Variants in SNTG1 observed in about 807,000 individuals in gnomAD.
SNTG1 encodes syntrophin gamma 1.
SNTG1 carries 39 observed loss-of-function variants against 74.7 expected under a neutral mutation model. That is an observed-to-expected ratio of 0.52 (90% CI 0.40 to 0.68). The LOEUF (loss-of-function observed/expected upper bound fraction) is 0.68. Ranked by LOEUF, SNTG1 falls within the 30% of genes least tolerant of loss-of-function variation. The probability of loss-of-function intolerance (pLI) is 0.00; values close to 1 mark genes in which losing one functional copy is unlikely to be tolerated. For synonymous variants in SNTG1, 254 were observed against 217.1 expected (o/e 1.17, Z -1.49); for missense variants, 685 against 609.5 (o/e 1.12, Z -1.30).
chr8:50,780,901 G>C (rs184459994), intron 18 of SNTG1, among the ~76,000 whole-genome samples: 2 of 152,126 alleles, frequency 1.3e-5, no homozygotes, highest in Non-Finnish European at 1.5e-5. Context: ...CTGGTATATT[G>C]TGTCTTTGTT....
At chr8:50,622,369 A>G (rs1013859179) in intron 13 of SNTG1, among the ~76,000 whole-genome samples, 2 of 152,196 alleles carry the variant, frequency 1.3e-5, no homozygotes, top group African/African-American at 4.8e-5. Context: ...GTATAGAAAC[A>G]GTTAATGTTT....
At chr8:49,947,557 G>A (rs903426590) in intron 1 of SNTG1, among the ~76,000 whole-genome samples, 2 of 152,150 alleles carry the variant, frequency 1.3e-5, no homozygotes, top group Admixed American at 6.5e-5. Context: ...AAACTTAAAT[G>A]TATTCTAATA....
intron 12 of SNTG1, among the ~76,000 whole-genome samples, chr8:50,577,185 G>C (rs1248457965): frequency 6.6e-6 from 1 of 152,110 alleles, no homozygotes; most frequent in East Asian, 1.9e-4. Flanking sequence ...TATCATAAAA[G>C]AGTGTAGAAT....
rs139157978 is a variant in SNTG1, at chr8:50,624,162, C to T, written c.850-32747C>T. On this transcript the variant is annotated intron_variant, in intron 13 of 18. Coordinates refer to ENST00000642720, the MANE Select transcript of SNTG1 (RefSeq NM_018967.5). ...TCATGGCTATGGTTATACACATAGT[C>T]ATATATCACAAAGCTCCTAAAGAAA... Among the ~76,000 whole-genome samples the T allele has an allele frequency of 4.2e-4, 64 of 151,966 alleles. No homozygotes were observed. In the East Asian group the frequency reaches 0.011, roughly 27 times the overall value.
intron 18 of SNTG1, among the ~76,000 whole-genome samples, chr8:50,755,860 G>T (rs183771266): frequency 1.3e-4 from 19 of 151,886 alleles, no homozygotes; most frequent in Non-Finnish European, 5.9e-5. Context: ...GATATACAAC[G>T]TGGTGCATAT....
chr8:50,512,144 G>A (rs995280899), intron 9 of SNTG1, among the ~76,000 whole-genome samples: 45 of 152,016 alleles, frequency 3.0e-4, no homozygotes, highest in Non-Finnish European at 5.7e-4. Context: ...TTGCTTGTCT[G>A]TAAAGTATTT....
chr8:50,729,025 G>A (rs907305128), intron 17 of SNTG1, among the ~76,000 whole-genome samples: 3 of 152,196 alleles, frequency 2.0e-5, no homozygotes, highest in Non-Finnish European at 2.9e-5. Context: ...TGCATGCTGA[G>A]CCTGTCTATC....
chr8:50,787,543 ACT>A (rs2095679125), intron 18 of SNTG1, among the ~76,000 whole-genome samples: 1 of 151,880 alleles, frequency 6.6e-6, no homozygotes, highest in Non-Finnish European at 1.5e-5. Flanking sequence ...CAAAAAAGAA[ACT>A]CTACACAGAT....
intron 1 of SNTG1, among the ~76,000 whole-genome samples, chr8:50,080,495 A>G (rs1228033335): frequency 6.6e-6 from 1 of 152,144 alleles, no homozygotes; most frequent in Non-Finnish European, 1.5e-5. Flanking sequence ...GTCATTTGCT[A>G]CTTTTTAAAC....
intron 18 of SNTG1, among the ~76,000 whole-genome samples, chr8:50,757,291 C>T (rs1321047639): frequency 6.6e-6 from 1 of 151,828 alleles, no homozygotes; most frequent in Non-Finnish European, 1.5e-5. Context: ...TGTATATCAA[C>T]TATGATAGTG....
intron 10 of SNTG1, among the ~76,000 whole-genome samples, chr8:50,536,355 T>A (rs2130395430): frequency 6.6e-6 from 1 of 152,328 alleles, no homozygotes; most frequent in Non-Finnish European, 1.5e-5. Flanking sequence ...TACAGTTTTT[T>A]CCCACTTTTT....
chr8:50,381,247 G>C (rs1286756578), intron 2 of SNTG1, among the ~76,000 whole-genome samples: 1 of 151,660 alleles, frequency 6.6e-6, no homozygotes, highest in Non-Finnish European at 1.5e-5. Flanking sequence ...ACTTATGCTA[G>C]ATAATGATTA....
chr8:50,203,271 C>G (rs983612724), intron 2 of SNTG1, among the ~76,000 whole-genome samples: 8 of 152,152 alleles, frequency 5.3e-5, no homozygotes, highest in Middle Eastern at 3.4e-3. Flanking sequence ...TTTACATTAC[C>G]CATCTGTTCT....
intron 2 of SNTG1, among the ~76,000 whole-genome samples, chr8:50,365,194 C>A (rs958509154): frequency 6.6e-6 from 1 of 152,032 alleles, no homozygotes; most frequent in African/African-American, 2.4e-5. Context: ...ATCAAAAAGA[C>A]ATCTAAAACT....
At chr8:50,033,404 G>C (rs536159130) in intron 1 of SNTG1, among the ~76,000 whole-genome samples, 1 of 152,218 alleles carries the variant, frequency 6.6e-6, no homozygotes. Flanking sequence ...GATTACAGGG[G>C]TGAGCCACTG....
intron 2 of SNTG1, among the ~76,000 whole-genome samples, chr8:50,185,214 A>C (rs1793140537): frequency 6.6e-6 from 1 of 152,096 alleles, no homozygotes; most frequent in African/African-American, 2.4e-5. Flanking sequence ...TGCTCTCATG[A>C]TAATGACTGA....
chr8:50,180,225 T>C (rs1264997457), intron 2 of SNTG1, among the ~76,000 whole-genome samples: 9 of 152,148 alleles, frequency 5.9e-5, no homozygotes, highest in Admixed American at 2.6e-4. Context: ...GAATCTTAAG[T>C]CAAATACACA....
chr8:50,553,798 A>T (rs956343252), intron 12 of SNTG1, among the ~76,000 whole-genome samples: 3 of 152,270 alleles, frequency 2.0e-5, no homozygotes, highest in African/African-American at 7.2e-5. Context: ...TAATAATTCT[A>T]TGAGAAATAT....
intron 8 of SNTG1, chr8:50,458,036 G>A (rs973679183): frequency 1.3e-5 from 2 of 152,126 alleles, no homozygotes; most frequent in Non-Finnish European, 2.9e-5. Flanking sequence ...TGCAAACAGG[G>A]TTCACCCTAA....
Sources: gnomAD v4.1 joint callset for allele counts (sites outside exome capture counted in the v4.1 genomes callset) on GRCh38, gnomAD v4.1.1 for gene constraint, MANE v1.5 for transcripts, NCBI Gene and HGNC (gene_info 2026-07-23, HGNC 2026-07-21) for gene names.